The following WDR7 variants were observed in gnomAD, a reference collection of about 807,000 sequenced individuals.
WDR7 encodes WD repeat-containing protein 7.
In WDR7, 46 loss-of-function variants were observed where a neutral mutation model predicts 169.4. That is an observed-to-expected ratio of 0.27 (90% CI 0.21 to 0.35). The LOEUF (loss-of-function observed/expected upper bound fraction) is 0.35, where lower values mean the gene tolerates loss of function less well. WDR7 is among the 10% of genes least tolerant of loss of function. WDR7 has a pLI of 1.00. For missense variants in WDR7, 1,534 were observed against 1,859.3 expected, an observed-to-expected ratio of 0.83 and a Z score of 3.22; for synonymous variants, 612 against 666.8, an observed-to-expected ratio of 0.92 and a Z score of 1.27.
At chr18:56,988,364 G>A (rs956565899) in intron 26 of WDR7, among the ~76,000 whole-genome samples, 3 of 152,116 alleles carry the variant, frequency 2.0e-5, no homozygotes, top group African/African-American at 4.8e-5. Flanking sequence ...CACTCCAGTT[G>A]AGGCAAAATT....
At chr18:56,881,927 C>T (rs1266634222) in intron 21 of WDR7, among the ~76,000 whole-genome samples, 2 of 152,192 alleles carry the variant, frequency 1.3e-5, no homozygotes, top group Middle Eastern at 3.2e-3. Context: ...CCTGTCTTTC[C>T]CCTCATTTGA....
chr18:57,011,536 A>G (rs1408816426), intron 26 of WDR7, among the ~76,000 whole-genome samples: 5 of 152,244 alleles, frequency 3.3e-5, no homozygotes, highest in African/African-American at 1.2e-4. Flanking sequence ...TTAGATGGTG[A>G]TAGAAAATAA....
intron 20 of WDR7, among the ~76,000 whole-genome samples, chr18:56,866,631 A>G (rs1227191379): frequency 1.3e-5 from 2 of 152,186 alleles, no homozygotes; most frequent in African/African-American, 4.8e-5. Flanking sequence ...ATTATGTTTC[A>G]GAGAAATGAT....
chr18:56,967,136 C>T (rs1331298974), intron 26 of WDR7, among the ~76,000 whole-genome samples: 1 of 152,120 alleles, frequency 6.6e-6, no homozygotes, highest in Non-Finnish European at 1.5e-5. Context: ...GACATCTAGG[C>T]TTTTGTAGGT....
chr18:56,835,409 A>T (rs897955028), intron 20 of WDR7, among the ~76,000 whole-genome samples: 1 of 152,216 alleles, frequency 6.6e-6, no homozygotes, highest in Admixed American at 6.5e-5. Flanking sequence ...TACCTAACTT[A>T]TAAGTGTATA....
intron 14 of WDR7, among the ~76,000 whole-genome samples, chr18:56,755,107 T>C (rs1008432853): frequency 2.0e-5 from 3 of 152,098 alleles, no homozygotes; most frequent in African/African-American, 7.2e-5. Context: ...CTTTTTTTTT[T>C]CTTTTGGCAA....
chr18:56,950,644 A>G (rs936571431), intron 25 of WDR7, among the ~76,000 whole-genome samples: 2 of 152,108 alleles, frequency 1.3e-5, no homozygotes, highest in African/African-American at 4.8e-5. Context: ...CTTTCCTACA[A>G]TCCAGTACCT....
At chr18:56,889,365 A>G (rs527680373) in intron 21 of WDR7, among the ~76,000 whole-genome samples, 2 of 152,228 alleles carry the variant, frequency 1.3e-5, no homozygotes, top group South Asian at 4.1e-4. Context: ...TCCAACACTT[A>G]GCACAATATG....
intron 2 of WDR7, among the ~76,000 whole-genome samples, chr18:56,675,776 C>T (rs890119249): frequency 2.6e-5 from 4 of 152,004 alleles, no homozygotes; most frequent in African/African-American, 4.8e-5. Flanking sequence ...ATCCTATTTT[C>T]GTTCCTAATC....
intron 19 of WDR7, among the ~76,000 whole-genome samples, chr18:56,798,127 T>C (rs1298747212): frequency 6.6e-6 from 1 of 152,194 alleles, no homozygotes; most frequent in African/African-American, 2.4e-5. Flanking sequence ...TTTTAAAGGA[T>C]GTAATGATTT....
intron 23 of WDR7, among the ~76,000 whole-genome samples, chr18:56,936,396 T>C (rs1260288330): frequency 6.6e-6 from 1 of 152,234 alleles, no homozygotes; most frequent in African/African-American, 2.4e-5. Flanking sequence ...TCAAACTAAT[T>C]GCCCACATCT....
intron 25 of WDR7, among the ~76,000 whole-genome samples, chr18:56,942,544 T>G (rs368614691): frequency 6.6e-6 from 1 of 152,246 alleles, no homozygotes; most frequent in South Asian, 2.1e-4. Flanking sequence ...ACATTTTTAT[T>G]AATCTTTCTT....
At chr18:56,771,253 A>G (rs1388436901) in intron 16 of WDR7, among the ~76,000 whole-genome samples, 1 of 152,184 alleles carries the variant, frequency 6.6e-6, no homozygotes, top group Non-Finnish European at 1.5e-5. Context: ...TTTCATGATC[A>G]TAGTACTTAT....
chr18:57,031,800 A>G (rs1011426794), downstream of WDR7: 2 of 152,234 alleles, frequency 1.3e-5, no homozygotes, highest in Non-Finnish European at 2.9e-5. Flanking sequence ...TATGTGCTGC[A>G]TTTGTGAAAT....
intron 21 of WDR7, among the ~76,000 whole-genome samples, chr18:56,906,381 A>G (rs899428394): frequency 2.6e-5 from 4 of 152,182 alleles, no homozygotes; most frequent in African/African-American, 9.7e-5. Context: ...AGTGAAGGAA[A>G]GAAAAAAGGC....
rs543968120 is a variant in WDR7 at position 56,676,955 on chromosome 18, C to T, written c.160-2377C>T. The stretch of plus-strand genomic sequence containing the variant: ...TGTTACTAATTATATCTTATTGTAC[C>T]GTCTGTGTCTTGAAACGTTGTAGTT... On this transcript the variant is annotated intron_variant, in intron 2 of 27. Coordinates refer to ENST00000254442, the MANE Select transcript of WDR7 (RefSeq NM_015285.3). 1.4e-4 allele frequency among the ~76,000 whole-genome samples: 21 copies of T among 152,216 alleles called. No individual in the cohort carries two copies. In the South Asian group the frequency reaches 3.7e-3, roughly 27 times the overall value.
At chr18:56,960,515 A>G (rs569231067) in intron 25 of WDR7, among the ~76,000 whole-genome samples, 1 of 152,306 alleles carries the variant, frequency 6.6e-6, no homozygotes, top group African/African-American at 2.4e-5. Context: ...CCTGCACAGA[A>G]TAAATATTTG....
chr18:56,727,450 AC>A (rs2026484500), intron 13 of WDR7, among the ~76,000 whole-genome samples: 2 of 152,220 alleles, frequency 1.3e-5, no homozygotes, highest in Admixed American at 6.5e-5. Flanking sequence ...TAACTGACTC[AC>A]AGTTCCGCAT....
At chr18:56,747,197 AGTG>A (rs2043718528) in intron 14 of WDR7, among the ~76,000 whole-genome samples, 1 of 152,042 alleles carries the variant, frequency 6.6e-6, no homozygotes, top group South Asian at 2.1e-4. Flanking sequence ...ACATGGAGGA[AGTG>A]GTGGGCAGAT....
Sources: gnomAD v4.1 joint callset for allele counts (sites outside exome capture counted in the v4.1 genomes callset) on GRCh38, gnomAD v4.1.1 for gene constraint, MANE v1.5 for transcripts, NCBI Gene and HGNC (gene_info 2026-07-23, HGNC 2026-07-21) for gene names.